Variants in ZNF277 observed in about 807,000 individuals in gnomAD.
The protein encoded by ZNF277 is zinc finger protein 277.
In ZNF277, 55 loss-of-function variants were observed where a neutral mutation model predicts 60.7. The ratio of observed to expected loss-of-function variants is 0.91; its 90% CI spans 0.73 to 1.13. ZNF277 has a LOEUF of 1.13. Ranked by LOEUF, ZNF277 falls within the 50% of genes most tolerant of loss-of-function variation. ZNF277 has a pLI of 0.00. For synonymous variants in ZNF277, 178 were observed against 179.3 expected (o/e 0.99, Z 0.06); for missense variants, 510 against 523.0 (o/e 0.98, Z 0.24).
chr7:112,323,588 G>C (rs1185133688), intron 5 of ZNF277, among the ~76,000 whole-genome samples: 2 of 152,204 alleles, frequency 1.3e-5, no homozygotes, highest in Non-Finnish European at 2.9e-5. Flanking sequence ...CTAAGGGGAG[G>C]AGAATGGAAT....
chr7:112,331,452 C>G (rs1294912275), intron 7 of ZNF277, among the ~76,000 whole-genome samples: 2 of 152,086 alleles, frequency 1.3e-5, no homozygotes, highest in African/African-American at 2.4e-5. Context: ...AAAACCCAAA[C>G]CCACTGGTCA....
At chr7:112,307,023 C>T (rs1165079523) in intron 4 of ZNF277, among the ~76,000 whole-genome samples, 1 of 152,088 alleles carries the variant, frequency 6.6e-6, no homozygotes, top group Non-Finnish European at 1.5e-5. Context: ...TAGCCAACAT[C>T]TACTTTGCAG....
At chr7:112,250,918 C>T (rs1563204305) in intron 1 of ZNF277, among the ~76,000 whole-genome samples, 1 of 152,176 alleles carries the variant, frequency 6.6e-6, no homozygotes, top group Non-Finnish European at 1.5e-5. Flanking sequence ...TTCAAGTCGG[C>T]TGTCAGCACA....
At chr7:112,326,517 T>A (rs552293904) in intron 5 of ZNF277, among the ~76,000 whole-genome samples, 5 of 152,126 alleles carry the variant, frequency 3.3e-5, no homozygotes, top group Non-Finnish European at 5.9e-5. Context: ...GGGAAAACCT[T>A]TGTGGGCCCA....
chr7:112,274,806 A>T (rs1791756118), intron 1 of ZNF277, among the ~76,000 whole-genome samples: 1 of 152,206 alleles, frequency 6.6e-6, no homozygotes, highest in Non-Finnish European at 1.5e-5. Context: ...ACCTCTGTTA[A>T]TGTACTGTGA....
chr7:112,214,276 A>C (rs902657109), intron 1 of ZNF277, among the ~76,000 whole-genome samples: 2 of 152,248 alleles, frequency 1.3e-5, no homozygotes, highest in African/African-American at 4.8e-5. Context: ...TATAGAAACA[A>C]GCAATGTGCA....
intron 4 of ZNF277, among the ~76,000 whole-genome samples, chr7:112,317,866 A>G (rs1792875315): frequency 6.6e-6 from 1 of 152,112 alleles, no homozygotes; most frequent in Non-Finnish European, 1.5e-5. Flanking sequence ...AGAGCAAGTC[A>G]AAGATCCCAG....
intron 1 of ZNF277, among the ~76,000 whole-genome samples, chr7:112,249,610 G>A (rs1044964282): frequency 6.6e-5 from 10 of 152,164 alleles, no homozygotes; most frequent in Admixed American, 4.6e-4. Context: ...TGAGTATTGC[G>A]GGAAGTCAGG....
chr7:112,240,060 G>A (rs1007938263), intron 1 of ZNF277, among the ~76,000 whole-genome samples: 2 of 152,224 alleles, frequency 1.3e-5, no homozygotes, highest in South Asian at 2.1e-4. Flanking sequence ...GTTAGAAGAC[G>A]TTATTTGCAA....
chr7:112,221,603 C>A (rs1386762616), intron 1 of ZNF277, among the ~76,000 whole-genome samples: 2 of 152,178 alleles, frequency 1.3e-5, no homozygotes, highest in African/African-American at 4.8e-5. Context: ...TGTTTTCCTG[C>A]AACTAGACAG....
intron 9 of ZNF277, among the ~76,000 whole-genome samples, chr7:112,338,806 G>T (rs887099548): frequency 1.3e-5 from 2 of 152,142 alleles, no homozygotes; most frequent in Non-Finnish European, 2.9e-5. Flanking sequence ...CCTGTGTAAG[G>T]ATTACCTTTT....
chr7:112,228,189 C>T (rs747509414), intron 1 of ZNF277, among the ~76,000 whole-genome samples: 4 of 152,112 alleles, frequency 2.6e-5, no homozygotes, highest in African/African-American at 9.6e-5. Context: ...TGTCTTCCCC[C>T]TATCTGTCTC....
chr7:112,254,316 A>G (rs1181123356), intron 1 of ZNF277, among the ~76,000 whole-genome samples: 1 of 152,120 alleles, frequency 6.6e-6, no homozygotes, highest in African/African-American at 2.4e-5. Flanking sequence ...TACATGCCAT[A>G]CTCCAAACCT....
chr7:112,327,197 C>A (rs190338823), intron 5 of ZNF277, among the ~76,000 whole-genome samples: 1 of 152,152 alleles, frequency 6.6e-6, no homozygotes, highest in Admixed American at 6.5e-5. Flanking sequence ...GATCCCCAAC[C>A]TTTTTGGCAC....
intron 5 of ZNF277, among the ~76,000 whole-genome samples, chr7:112,320,829 G>A (rs1472110155): frequency 1.3e-5 from 2 of 150,308 alleles, no homozygotes; most frequent in Non-Finnish European, 3.0e-5. Flanking sequence ...TATGTTTTAG[G>A]TCTTCTCATT....
intron 4 of ZNF277, among the ~76,000 whole-genome samples, chr7:112,301,511 T>A (rs1417886346): frequency 6.6e-6 from 1 of 152,220 alleles, no homozygotes; most frequent in Non-Finnish European, 1.5e-5. Flanking sequence ...TCCCTGCCCT[T>A]GTGAAGTTTA....
At chr7:112,214,187 C>G (rs972649688) in intron 1 of ZNF277, among the ~76,000 whole-genome samples, 4 of 152,188 alleles carry the variant, frequency 2.6e-5, no homozygotes, top group Admixed American at 2.0e-4. Flanking sequence ...ACACTTCCAT[C>G]TGGAAAAACT....
chr7:112,229,929 G>C (rs1822277963), intron 1 of ZNF277, among the ~76,000 whole-genome samples: 1 of 152,068 alleles, frequency 6.6e-6, no homozygotes, highest in African/African-American at 2.4e-5. Flanking sequence ...AGGTGCTTGA[G>C]GAAGGGCTTG....
chr7:112,236,886 G>A (rs1174058188), intron 1 of ZNF277, among the ~76,000 whole-genome samples: 1 of 152,082 alleles, frequency 6.6e-6, no homozygotes, highest in Non-Finnish European at 1.5e-5. Flanking sequence ...ATGGACCTAG[G>A]AGACATTTAC....
Sources: allele counts gnomAD v4.1 joint callset (sites outside exome capture counted in the v4.1 genomes callset), GRCh38; gene constraint gnomAD v4.1.1; transcripts MANE v1.5; gene names NCBI Gene and HGNC (gene_info 2026-07-23, HGNC 2026-07-21).